The following TMED10 variants were observed in gnomAD, a reference collection of about 807,000 sequenced individuals.
The protein encoded by TMED10 is transmembrane p24 trafficking protein 10.
In TMED10, 7 loss-of-function variants were observed where a neutral mutation model predicts 23.1. The observed-to-expected ratio is 0.30, with a 90% CI of 0.17 to 0.57. The LOEUF is 0.57. Ranked by LOEUF, TMED10 falls within the 20% of genes least tolerant of loss-of-function variation. The pLI is 0.91. For missense variants in TMED10, 162 were observed against 274.8 expected (o/e 0.59, Z 2.90); for synonymous variants, 113 against 106.9 (o/e 1.06, Z -0.35).
At chr14:75,176,050 A>ATTCCCTT in intron 1 of TMED10, 1 of 430,702 alleles carries the variant, frequency 2.3e-6, no homozygotes, top group Non-Finnish European at 4.2e-6. Flanking sequence ...GGAGAACCAA[A>ATTCCCTT]TTACGGTTCA....
At chr14:75,136,962 T>G (rs1895757843) in intron 3 of TMED10, 1 of 152,072 alleles carries the variant, frequency 6.6e-6, no homozygotes, top group Admixed American at 6.5e-5. Context: ...TTCTTATCAG[T>G]CTTAGATTAT....
At chr14:75,169,787 T>G (rs1481803941) in intron 1 of TMED10, among the ~76,000 whole-genome samples, 1 of 152,148 alleles carries the variant, frequency 6.6e-6, no homozygotes, top group Admixed American at 6.5e-5. Flanking sequence ...GGTGGAAATA[T>G]GACCAAAGAC....
chr14:75,154,643 T>C (rs1896000096), intron 1 of TMED10, among the ~76,000 whole-genome samples: 1 of 151,926 alleles, frequency 6.6e-6, no homozygotes, highest in Non-Finnish European at 1.5e-5. Flanking sequence ...ATTTGCTAAT[T>C]TGTCAAACTT....
rs115438466 is a variant in TMED10, at chr14:75,133,849, G to A, written c.*1036C>T. 5,184 of 313,530 alleles carry A rather than the reference G, an allele frequency of 0.017. 108 individuals are homozygous for A. The highest frequency in any genetic ancestry group is 0.055 in the African/African-American group (2,356 of 42,944). The allele number at this position is 313,530 out of a possible 1,614,324, so 19.4% of individuals were successfully genotyped here. On this transcript the variant is annotated 3_prime_UTR_variant, in exon 5 of 5. Coordinates refer to ENST00000303575, the MANE Select transcript of TMED10 (RefSeq NM_006827.6). ...GGAACTGCCCCCACTTCACCACGAT[G>A]CAATATATGCATGTAAGAAATCTGT...
At chr14:75,138,140 TAAC>T (rs1159967025) in intron 3 of TMED10, among the ~76,000 whole-genome samples, 1 of 152,224 alleles carries the variant, frequency 6.6e-6, no homozygotes, top group Non-Finnish European at 1.5e-5. Context: ...TAACAGCAGT[TAAC>T]AAGGGATGAA....
intron 3 of TMED10, among the ~76,000 whole-genome samples, chr14:75,145,858 CCA>C (rs1895877372): frequency 6.6e-6 from 1 of 152,104 alleles, no homozygotes; most frequent in Non-Finnish European, 1.5e-5. Context: ...AGGTAAAATT[CCA>C]CAGAGTACAA....
At position 75,150,212 on chromosome 14, in the gene TMED10, C is replaced by A. The variant is rs1001390449; in HGVS notation, c.337+1820G>T. ...AGACTGAGAACAAAGTAAGACAAGTCACATGTGTCTTCTGAGCATGAAAAC... is the reference window on the plus strand; with the variant it reads ...AGACTGAGAACAAAGTAAGACAAGTAACATGTGTCTTCTGAGCATGAAAAC... On this transcript the variant is annotated intron_variant, in intron 2 of 4. Coordinates refer to ENST00000303575, the MANE Select transcript of TMED10 (RefSeq NM_006827.6). Among the ~76,000 whole-genome samples, 6 of 152,252 alleles carry A rather than the reference C, an allele frequency of 3.9e-5. No individual in the cohort carries two copies. The East Asian group carries it at 1.2e-3, about 29-fold the overall frequency.
chr14:75,140,403 T>G (rs1895807726), intron 3 of TMED10, among the ~76,000 whole-genome samples: 1 of 152,016 alleles, frequency 6.6e-6, no homozygotes, highest in Non-Finnish European at 1.5e-5. Flanking sequence ...CTGGCCTGTT[T>G]ATTTTTACAA....
rs1244601120 is a variant in TMED10 at position 75,175,724 on chromosome 14, A to G, written c.225+631T>C. On this transcript the variant is annotated intron_variant, in intron 1 of 4. Coordinates refer to ENST00000303575, the MANE Select transcript of TMED10 (RefSeq NM_006827.6). ...CCTGAAAGTTGTGCGCATGTACCCT[A>G]GAACTTAAAGTATAATAATAATTTT... is the stretch of plus-strand genomic sequence containing the variant. Among the ~76,000 whole-genome samples, 4 of 152,198 alleles carry G rather than the reference A, an allele frequency of 2.6e-5. No individual in the cohort carries two copies. In the East Asian group the frequency reaches 7.7e-4, roughly 29 times the overall value.
chr14:75,162,126 A>G (rs1896093171), intron 1 of TMED10, among the ~76,000 whole-genome samples: 1 of 152,110 alleles, frequency 6.6e-6, no homozygotes, highest in Admixed American at 6.6e-5. Flanking sequence ...TTAGCCAGGC[A>G]TGGTGGCACC....
chr14:75,144,477 AAAT>A (rs1264165691), intron 3 of TMED10, among the ~76,000 whole-genome samples: 1 of 152,242 alleles, frequency 6.6e-6, no homozygotes, highest in Admixed American at 6.5e-5. Flanking sequence ...TCTGTCTTCC[AAAT>A]AATATCATCT....
chr14:75,150,220 T>C (rs1322656998), intron 2 of TMED10, among the ~76,000 whole-genome samples: 2 of 152,140 alleles, frequency 1.3e-5, no homozygotes, highest in Admixed American at 1.3e-4. Flanking sequence ...GTCACATGTG[T>C]CTTCTGAGCA....
chr14:75,166,740 T>C (rs1896167655), intron 1 of TMED10, among the ~76,000 whole-genome samples: 1 of 152,212 alleles, frequency 6.6e-6, no homozygotes, highest in Non-Finnish European at 1.5e-5. Flanking sequence ...TAAATGTCAA[T>C]GTACCAATTA....
chr14:75,140,525 T>C (rs867257307), intron 3 of TMED10, among the ~76,000 whole-genome samples: 8 of 151,972 alleles, frequency 5.3e-5, no homozygotes, highest in African/African-American at 1.9e-4. Flanking sequence ...CTGGCCAACA[T>C]GGTGAAACCC....
chr14:75,154,756 C>T (rs1240148795), intron 1 of TMED10, among the ~76,000 whole-genome samples: 4 of 151,930 alleles, frequency 2.6e-5, no homozygotes, highest in African/African-American at 7.3e-5. Context: ...CTCTGCCTCC[C>T]GGGTTCAAGC....
intron 1 of TMED10, among the ~76,000 whole-genome samples, chr14:75,153,777 C>CTTTTTTTTT (rs59328978): frequency 0.41 from 53,083 of 129,826 alleles, 12,122 homozygotes; most frequent in East Asian, 0.81. Flanking sequence ...TTTTTTTTCC[C>CTTTTTTTTT]TTTTTTTTTT....
At chr14:75,147,801 A>ACCCACCCG in intron 2 of TMED10, 64 bp from the exon 3 acceptor site, 1 of 1,263,108 alleles carries the variant, frequency 7.9e-7, no homozygotes, top group African/African-American at 2.6e-5. Flanking sequence ...TTACCCACCC[A>ACCCACCCG]CCCGCCCGCC....
chr14:75,164,565 ATATATATATATATTTT>A (rs1276945034), intron 1 of TMED10, among the ~76,000 whole-genome samples: 3 of 2,328 alleles, frequency 1.3e-3, no homozygotes, highest in African/African-American at 3.3e-3. Flanking sequence ...ATATATATAT[ATATATATATATATTTT>A]TTTTTTTTTT....
At chr14:75,138,588 T>C (rs1895781616) in intron 3 of TMED10, among the ~76,000 whole-genome samples, 1 of 152,192 alleles carries the variant, frequency 6.6e-6, no homozygotes, top group African/African-American at 2.4e-5. Flanking sequence ...AACCTTAGTC[T>C]AACATCTTCC....
Sources: allele counts gnomAD v4.1 joint callset (sites outside exome capture counted in the v4.1 genomes callset), GRCh38; gene constraint gnomAD v4.1.1; transcripts MANE v1.5; gene names NCBI Gene and HGNC (gene_info 2026-07-23, HGNC 2026-07-21).